CHSY3: variants seen among roughly 807,000 people sequenced by gnomAD.
CHSY3 encodes N-acetylgalactosaminyl-proteoglycan 3-beta-glucuronosyltransferase 3.
CHSY3 carries 35 observed loss-of-function variants against 67.2 expected under a neutral mutation model. That is an observed-to-expected ratio of 0.52 (90% confidence interval 0.40 to 0.69). CHSY3 has a LOEUF of 0.69. Ranked by LOEUF, CHSY3 falls within the 30% of genes least tolerant of loss-of-function variation. CHSY3 has a pLI of 0.00. For synonymous variants in CHSY3, 474 were observed against 434.7 expected (o/e 1.09, Z -1.12); for missense variants, 1,069 against 1,138.5 (o/e 0.94, Z 0.88).
At chr5:130,074,626 T>G (rs1766192680) in intron 2 of CHSY3, among the ~76,000 whole-genome samples, 1 of 152,188 alleles carries the variant, frequency 6.6e-6, no homozygotes, top group Non-Finnish European at 1.5e-5. Flanking sequence ...TGGAATACTT[T>G]TATTCATTGG....
chr5:130,091,299 T>TG lies in CHSY3; in HGVS notation c.1087-92929dup, dbSNP rs1766874878. 4.6e-5 allele frequency among the ~76,000 whole-genome samples: 7 copies of TG among 152,290 alleles called. No individual in the cohort carries two copies. In the South Asian group the frequency reaches 1.5e-3, roughly 32 times the overall value. Reference sequence around the variant, plus strand: ...ACTCTGTATTTTTGTCAGAATGCAGTGTTATTCAGCGATGGAAATCTTTTG... The same window carrying TG: ...ACTCTGTATTTTTGTCAGAATGCAGTGGTTATTCAGCGATGGAAATCTTTTG... On this transcript the variant is annotated intron_variant, in intron 2 of 2. Coordinates refer to ENST00000305031, the MANE Select transcript of CHSY3 (RefSeq NM_175856.5).
chr5:130,030,852 G>C lies in CHSY3; in HGVS notation c.1086+122492G>C, dbSNP rs1178583301. Among the ~76,000 whole-genome samples, 5 of 152,060 alleles carry C rather than the reference G, an allele frequency of 3.3e-5. No individual in the cohort carries two copies. In the East Asian group the frequency reaches 9.6e-4, roughly 29 times the overall value. On this transcript the variant is annotated intron_variant, in intron 2 of 2. Transcript: ENST00000305031. ...GATCTGAACTTTCCATTGAAGATTT[G>C]AGGATGGTCTAAAGAATGGTAATTA...
chr5:130,162,638 G>T (rs1338497894), intron 2 of CHSY3, among the ~76,000 whole-genome samples: 1 of 152,058 alleles, frequency 6.6e-6, no homozygotes, highest in Non-Finnish European at 1.5e-5. Flanking sequence ...GGGCTCAAGA[G>T]ATTCTCCCGC....
intron 2 of CHSY3, among the ~76,000 whole-genome samples, chr5:130,139,033 A>G (rs1430449419): frequency 2.6e-5 from 4 of 152,202 alleles, no homozygotes; most frequent in Non-Finnish European, 4.4e-5. Flanking sequence ...TCCTAGGGCT[A>G]TACACCTGTA....
intron 2 of CHSY3, among the ~76,000 whole-genome samples, chr5:130,047,040 A>T (rs1765175876): frequency 2.0e-5 from 3 of 151,356 alleles, no homozygotes; most frequent in Admixed American, 2.0e-4. Flanking sequence ...ATTAATAAAA[A>T]TTTAAAGTAT....
At chr5:130,120,819 A>G (rs1767991129) in intron 2 of CHSY3, among the ~76,000 whole-genome samples, 1 of 152,218 alleles carries the variant, frequency 6.6e-6, no homozygotes, top group Admixed American at 6.5e-5. Flanking sequence ...TTTCAGGGAC[A>G]CACCGTAAAA....
intron 2 of CHSY3, among the ~76,000 whole-genome samples, chr5:130,038,424 T>C (rs1455457773): frequency 1.3e-5 from 2 of 152,170 alleles, no homozygotes; most frequent in Admixed American, 6.6e-5. Context: ...GTTGTAGTTA[T>C]GACTTTTTAA....
At chr5:130,089,730 T>C (rs1324651087) in intron 2 of CHSY3, among the ~76,000 whole-genome samples, 2 of 152,148 alleles carry the variant, frequency 1.3e-5, no homozygotes, top group Non-Finnish European at 2.9e-5. Flanking sequence ...GGATTTCTCT[T>C]ATTTTGTTGT....
At position 129,926,554 on chromosome 5, in the gene CHSY3, C is replaced by T. The variant is rs556621261; in HGVS notation, c.1086+18194C>T. 6.6e-5 allele frequency among the ~76,000 whole-genome samples: 10 copies of T among 151,992 alleles called. No individual in the cohort carries two copies. The East Asian group carries it at 1.2e-3, about 18-fold the overall frequency. On this transcript the variant is annotated intron_variant, in intron 2 of 2. Transcript: ENST00000305031. ...TGTTAAGATTCATGTGATTCCCCTA[C>T]GGTTGTTTAAAATTCTGCATTTCTC...
chr5:130,081,694 G>A (rs1766452466), intron 2 of CHSY3, among the ~76,000 whole-genome samples: 3 of 152,012 alleles, frequency 2.0e-5, no homozygotes, highest in Admixed American at 6.6e-5. Flanking sequence ...ATAAAAGGCA[G>A]TTCCCCTGCA....
chr5:130,171,590 T>C (rs576290764), intron 2 of CHSY3, among the ~76,000 whole-genome samples: 3 of 152,344 alleles, frequency 2.0e-5, no homozygotes, highest in African/African-American at 7.2e-5. Flanking sequence ...TTTTAAGTTG[T>C]ATAGAATATA....
At chr5:130,088,681 C>G (rs1202227500) in intron 2 of CHSY3, among the ~76,000 whole-genome samples, 2 of 152,144 alleles carry the variant, frequency 1.3e-5, no homozygotes, top group Non-Finnish European at 2.9e-5. Context: ...GATACCATCT[C>G]ACACCAGTTA....
chr5:130,185,678 C>T lies in CHSY3; in HGVS notation c.2536C>T (p.Gln846Ter). The T allele has an allele frequency of 6.2e-7, 1 of 1,614,044 alleles. No homozygotes were observed. The highest frequency in any genetic ancestry group is 8.5e-7 in the Non-Finnish European group (1 of 1,179,974). Residue 846 changes from glutamine (Q) to a stop codon, truncating the protein, a stop_gained, in exon 3 of 3, where the codon CAG becomes TAG. Transcript: ENST00000305031. LOFTEE classifies it high-confidence loss of function. ...TTGTGATCCTAACTTGGACCCTAAG[C>T]AGTATAAGATGTGCTTAGGATCCAA... is the stretch of plus-strand genomic sequence containing the variant. ...VHCDPNLDPK[Q>*]YKMCLGSKAS...
At chr5:130,039,736 C>T (rs1310431298) in intron 2 of CHSY3, among the ~76,000 whole-genome samples, 2 of 151,934 alleles carry the variant, frequency 1.3e-5, no homozygotes, top group African/African-American at 4.8e-5. Flanking sequence ...CCTCAGCCTC[C>T]CAAGGTGGTA....
At chr5:129,967,669 G>A (rs1372440010) in intron 2 of CHSY3, among the ~76,000 whole-genome samples, 1 of 151,808 alleles carries the variant, frequency 6.6e-6, no homozygotes, top group Non-Finnish European at 1.5e-5. Context: ...ATTGGCATGT[G>A]ATTTGGGAGA....
chr5:130,023,771 G>GT (rs1284967805), intron 2 of CHSY3, among the ~76,000 whole-genome samples: 15 of 151,540 alleles, frequency 9.9e-5, no homozygotes, highest in South Asian at 4.2e-4. Flanking sequence ...ACCCTTTTCT[G>GT]TTTTTTTTGG....
rs1468717884 is a variant in CHSY3 at position 130,143,732 on chromosome 5, G to GTATATATATA, written c.1087-40496_1087-40495insATATATATAT. On this transcript the variant is annotated intron_variant, in intron 2 of 2. Coordinates refer to ENST00000305031, the MANE Select transcript of CHSY3 (RefSeq NM_175856.5). Reference sequence around the variant, plus strand: ...GGTATATATATATATGTGTGTGTGTGTGTATATATATATATATATATATAT... The same window carrying GTATATATATA: ...GGTATATATATATATGTGTGTGTGTGTATATATATATGTATATATATATATATATATATAT... 3.9e-4 allele frequency among the ~76,000 whole-genome samples: 39 copies of GTATATATATA among 99,260 alleles called. 1 individual carries two copies. The highest frequency in any genetic ancestry group is 1.6e-3 in the African/African-American group (39 of 24,002). The allele number at this position is 99,260 out of a possible 152,430, so 65.1% of individuals were successfully genotyped here.
chr5:130,036,250 C>G (rs1332397721), intron 2 of CHSY3, among the ~76,000 whole-genome samples: 1 of 152,060 alleles, frequency 6.6e-6, no homozygotes, highest in African/African-American at 2.4e-5. Flanking sequence ...AAAGCTCTTG[C>G]ATATACTTTA....
chr5:130,182,290 CT>C (rs1379528271), intron 2 of CHSY3, among the ~76,000 whole-genome samples: 6 of 152,034 alleles, frequency 3.9e-5, no homozygotes, highest in African/African-American at 1.4e-4. Context: ...TATTTGCATA[CT>C]CTTTTGTGAA....
Sources: gnomAD v4.1 joint callset for allele counts (sites outside exome capture counted in the v4.1 genomes callset) on GRCh38, gnomAD v4.1.1 for gene constraint, MANE v1.5 for transcripts, NCBI Gene and HGNC (gene_info 2026-07-23, HGNC 2026-07-21) for gene names.